NAALADL2: variants seen among roughly 807,000 people sequenced by gnomAD.
NAALADL2 encodes the protein inactive N-acetylated-alpha-linked acidic dipeptidase-like protein 2.
NAALADL2 carries 76 observed loss-of-function variants against 87.2 expected under a neutral mutation model. The observed-to-expected ratio is 0.87, with a 90% CI of 0.72 to 1.05. The LOEUF (loss-of-function observed/expected upper bound fraction) is 1.05, where lower values mean the gene tolerates loss of function less well. Ranked by LOEUF, NAALADL2 falls within the 50% of genes least tolerant of loss-of-function variation. The probability of loss-of-function intolerance (pLI) is 0.00; values close to 1 mark genes in which losing one functional copy is unlikely to be tolerated. For synonymous variants in NAALADL2, 354 were observed against 331.0 expected, an observed-to-expected ratio of 1.07 and a Z score of -0.75; for missense variants, 1,089 against 945.8, an observed-to-expected ratio of 1.15 and a Z score of -1.99.
At chr3:174,915,590 TTATTA>T (rs940454494) in intron 1 of NAALADL2, among the ~76,000 whole-genome samples, 6 of 152,118 alleles carry the variant, frequency 3.9e-5, no homozygotes, top group Non-Finnish European at 8.8e-5. Flanking sequence ...TCAGATTTAT[TTATTA>T]TATTTATTAG....
intron 5 of NAALADL2, among the ~76,000 whole-genome samples, chr3:175,405,914 A>G (rs62288020): frequency 6.6e-6 from 1 of 152,140 alleles, no homozygotes; most frequent in Non-Finnish European, 1.5e-5. Flanking sequence ...GATTACTTGC[A>G]TATTTCTTTT....
intron 3 of NAALADL2, among the ~76,000 whole-genome samples, chr3:174,781,783 A>G (rs482248): frequency 6.6e-6 from 1 of 151,820 alleles, no homozygotes; most frequent in Non-Finnish European, 1.5e-5. Flanking sequence ...ATGATTTTGT[A>G]GAGGAGTAAT....
chr3:175,212,533 G>A (rs1232571075), intron 2 of NAALADL2, among the ~76,000 whole-genome samples: 4 of 151,344 alleles, frequency 2.6e-5, no homozygotes, highest in African/African-American at 4.9e-5. Context: ...GAAAGACCAT[G>A]AATCATAAAT....
At chr3:175,313,003 A>C (rs772350251) in intron 4 of NAALADL2, among the ~76,000 whole-genome samples, 4 of 152,076 alleles carry the variant, frequency 2.6e-5, no homozygotes, top group Admixed American at 1.3e-4. Context: ...ACGAAAAATT[A>C]TTTTCTCACA....
At chr3:175,649,401 G>A (rs1238026620) in intron 11 of NAALADL2, among the ~76,000 whole-genome samples, 1 of 133,108 alleles carries the variant, frequency 7.5e-6, no homozygotes, top group Non-Finnish European at 1.5e-5. Flanking sequence ...TCCCATAAGT[G>A]TCTCTGAAAA....
At chr3:175,545,481 G>C (rs1181619619) in intron 9 of NAALADL2, among the ~76,000 whole-genome samples, 1 of 151,548 alleles carries the variant, frequency 6.6e-6, no homozygotes, top group Non-Finnish European at 1.5e-5. Flanking sequence ...TTTTTTTTTA[G>C]AAGTTATTCC....
chr3:175,710,610 G>A (rs1740397923), intron 11 of NAALADL2, among the ~76,000 whole-genome samples: 1 of 150,154 alleles, frequency 6.7e-6, no homozygotes, highest in Non-Finnish European at 1.5e-5. Flanking sequence ...ACATATATAG[G>A]CACATATACA....
intron 2 of NAALADL2, among the ~76,000 whole-genome samples, chr3:175,209,915 T>A: frequency 6.6e-6 from 1 of 151,814 alleles, no homozygotes; most frequent in East Asian, 1.9e-4. Context: ...AGTCTACAAG[T>A]CTTCGTTTTC....
chr3:174,812,936 TAA>T (rs1444179791), intron 3 of NAALADL2, among the ~76,000 whole-genome samples: 1 of 152,116 alleles, frequency 6.6e-6, no homozygotes, highest in African/African-American at 2.4e-5. Flanking sequence ...GTAAAGACAT[TAA>T]AAAGTTTATA....
intron 1 of NAALADL2, among the ~76,000 whole-genome samples, chr3:174,943,153 C>T (rs970960336): frequency 6.6e-6 from 1 of 152,210 alleles, no homozygotes; most frequent in Non-Finnish European, 1.5e-5. Context: ...TCTTTCTCAT[C>T]TGTGCATGTG....
At chr3:174,831,763 T>C (rs2109372898) in intron 3 of NAALADL2, among the ~76,000 whole-genome samples, 1 of 151,590 alleles carries the variant, frequency 6.6e-6, no homozygotes, top group South Asian at 2.1e-4. Flanking sequence ...TGGTAAGCTA[T>C]TGATTATTGC....
At chr3:175,783,347 G>A (rs962572081) in intron 13 of NAALADL2, among the ~76,000 whole-genome samples, 28 of 151,610 alleles carry the variant, frequency 1.8e-4, no homozygotes, top group African/African-American at 4.6e-4. Flanking sequence ...AGCATGGAAT[G>A]TTCTTCCATT....
chr3:174,686,149 T>C (rs535511707), intron 2 of NAALADL2, among the ~76,000 whole-genome samples: 55 of 152,280 alleles, frequency 3.6e-4, no homozygotes, highest in African/African-American at 1.3e-3. Context: ...TATGTCTTTC[T>C]GATAGAATGA....
chr3:175,147,224 A>C (rs1730878522), intron 2 of NAALADL2, among the ~76,000 whole-genome samples: 1 of 152,072 alleles, frequency 6.6e-6, no homozygotes, highest in African/African-American at 2.4e-5. Flanking sequence ...GTAGTTTTCA[A>C]ATCTTGCCAT....
chr3:174,792,159 T>C (rs1717537385), intron 3 of NAALADL2, among the ~76,000 whole-genome samples: 1 of 152,026 alleles, frequency 6.6e-6, no homozygotes, highest in Non-Finnish European at 1.5e-5. Flanking sequence ...AGGCAGAGGT[T>C]GCAGTGAACT....
intron 2 of NAALADL2, among the ~76,000 whole-genome samples, chr3:175,204,159 C>T (rs1740479719): frequency 6.6e-6 from 1 of 152,134 alleles, no homozygotes; most frequent in Admixed American, 6.6e-5. Flanking sequence ...AAACTACAGA[C>T]CAATATCCTT....
intron 2 of NAALADL2, among the ~76,000 whole-genome samples, chr3:174,665,881 A>G (rs571762746): frequency 5.9e-5 from 9 of 152,250 alleles, no homozygotes; most frequent in South Asian, 2.1e-4. Flanking sequence ...TGACTTGTAT[A>G]TGCATTATCC....
intron 11 of NAALADL2, among the ~76,000 whole-genome samples, chr3:175,693,697 GGGTT>G (rs1737351000): frequency 6.6e-6 from 1 of 152,030 alleles, no homozygotes; most frequent in Non-Finnish European, 1.5e-5. Context: ...TTTGTTTGTT[GGGTT>G]GGTTGGTTTG....
At chr3:174,691,366 C>T (rs1037963277) in intron 2 of NAALADL2, among the ~76,000 whole-genome samples, 5 of 151,864 alleles carry the variant, frequency 3.3e-5, no homozygotes, top group East Asian at 2.0e-4. Context: ...GGTCCGAGAT[C>T]GCGCCACTGC....
Sources: allele counts gnomAD v4.1 joint callset (sites outside exome capture counted in the v4.1 genomes callset), GRCh38; gene constraint gnomAD v4.1.1; transcripts MANE v1.5; gene names NCBI Gene and HGNC (gene_info 2026-07-23, HGNC 2026-07-21).